The following SLC4A4 variants were observed in gnomAD, a reference collection of about 807,000 sequenced individuals.
The protein encoded by SLC4A4 is solute carrier family 4 member 4.
In SLC4A4, 27 loss-of-function variants were observed where a neutral mutation model predicts 111.5. That is an observed-to-expected ratio of 0.24 (90% CI 0.18 to 0.33). The LOEUF (loss-of-function observed/expected upper bound fraction) is 0.33. Ranked by LOEUF, SLC4A4 falls within the 10% of genes least tolerant of loss-of-function variation. The probability of loss-of-function intolerance (pLI) is 1.00; values close to 1 mark genes in which losing one functional copy is unlikely to be tolerated. For missense variants in SLC4A4, 909 were observed against 1,315.5 expected (o/e 0.69, Z 4.78); for synonymous variants, 443 against 463.4 (o/e 0.96, Z 0.57).
intron 16 of SLC4A4, among the ~76,000 whole-genome samples, chr4:71,498,042 G>A (rs761257927): frequency 6.6e-6 from 1 of 152,102 alleles, no homozygotes; most frequent in Non-Finnish European, 1.5e-5. Flanking sequence ...AACTCTTCAT[G>A]TTTATCAGGA....
At chr4:71,327,243 T>C (rs1204844739) in intron 3 of SLC4A4, among the ~76,000 whole-genome samples, 1 of 152,036 alleles carries the variant, frequency 6.6e-6, no homozygotes, top group Non-Finnish European at 1.5e-5. Context: ...TTCAACTAAT[T>C]TACTTTCTGA....
rs1741805670 is a variant in SLC4A4 at position 71,076,005 on chromosome 4, A to G, written c.-65+13217A>G. Among the ~76,000 whole-genome samples, 5 of 146,344 alleles carry G rather than the reference A, an allele frequency of 3.4e-5. No homozygotes were observed. In the South Asian group the frequency reaches 1.1e-3, roughly 32 times the overall value. The stretch of plus-strand genomic sequence containing the variant: ...AATAAATAAATAAATAAATAAATAA[A>G]TAGCAATCCCGTCAACCTGCCCCTG... On this transcript the variant is annotated intron_variant, in intron 1 of 26. Coordinates refer to the SLC4A4 transcript ENST00000649996.
At chr4:71,279,954 C>T (rs774678075) in intron 3 of SLC4A4, among the ~76,000 whole-genome samples, 18 of 152,194 alleles carry the variant, frequency 1.2e-4, no homozygotes, top group Non-Finnish European at 1.9e-4. Context: ...TGCCATCATG[C>T]CCGGCTAATT....
chr4:71,376,130 TAC>T (rs1390280524), intron 6 of SLC4A4, among the ~76,000 whole-genome samples: 3 of 144,456 alleles, frequency 2.1e-5, no homozygotes, highest in Non-Finnish European at 3.0e-5. Context: ...TATATATATA[TAC>T]ATACACATAT....
chr4:71,222,111 A>G (rs1260731085), intron 1 of SLC4A4, among the ~76,000 whole-genome samples: 1 of 152,216 alleles, frequency 6.6e-6, no homozygotes, highest in Admixed American at 6.5e-5. Context: ...AGTTGTTCAG[A>G]GTAAGCACTA....
At chr4:71,372,352 A>G (rs1257498001) in intron 6 of SLC4A4, among the ~76,000 whole-genome samples, 1 of 152,234 alleles carries the variant, frequency 6.6e-6, no homozygotes, top group Non-Finnish European at 1.5e-5. Context: ...CCTCTTACAG[A>G]TCTCACCGGC....
At chr4:71,115,999 A>AT (rs1378418541) in intron 2 of SLC4A4, among the ~76,000 whole-genome samples, 47 of 152,250 alleles carry the variant, frequency 3.1e-4, no homozygotes, top group Middle Eastern at 3.4e-3. Flanking sequence ...GGTTGAAGCG[A>AT]TTCTCCTGCC....
intron 2 of SLC4A4, among the ~76,000 whole-genome samples, chr4:71,101,096 A>G (rs1454248266): frequency 6.6e-6 from 1 of 152,062 alleles, no homozygotes; most frequent in Non-Finnish European, 1.5e-5. Context: ...CATCTCTACT[A>G]AAAGTACAAA....
chr4:71,338,336 A>C (rs973588149), intron 3 of SLC4A4, among the ~76,000 whole-genome samples: 1 of 152,066 alleles, frequency 6.6e-6, no homozygotes, highest in African/African-American at 2.4e-5. Context: ...TATTTCTACA[A>C]ATTTATATAT....
intron 12 of SLC4A4, among the ~76,000 whole-genome samples, chr4:71,460,066 T>C (rs1369821090): frequency 6.6e-6 from 1 of 152,064 alleles, no homozygotes; most frequent in Non-Finnish European, 1.5e-5. Flanking sequence ...TTCTCTTTGC[T>C]TGTGAGAAAT....
intron 2 of SLC4A4, among the ~76,000 whole-genome samples, chr4:71,123,314 A>G (rs1265691673): frequency 6.6e-6 from 1 of 152,212 alleles, no homozygotes; most frequent in Non-Finnish European, 1.5e-5. Context: ...ATTACATTGT[A>G]ATATGCTAGG....
chr4:71,180,136 C>T (rs1745240367), intron 2 of SLC4A4, among the ~76,000 whole-genome samples: 1 of 152,202 alleles, frequency 6.6e-6, no homozygotes, highest in African/African-American at 2.4e-5. Flanking sequence ...GCTGGGAAAA[C>T]TGGCTAGCCA....
intron 6 of SLC4A4, among the ~76,000 whole-genome samples, chr4:71,391,519 C>A (rs1193369794): frequency 6.6e-6 from 1 of 152,048 alleles, no homozygotes; most frequent in Non-Finnish European, 1.5e-5. Context: ...CAATGATTTT[C>A]AAACTTAGTA....
chr4:71,063,289 T>C (rs968904059), intron 1 of SLC4A4, among the ~76,000 whole-genome samples: 21 of 152,194 alleles, frequency 1.4e-4, no homozygotes, highest in Non-Finnish European at 1.5e-5. Context: ...TTCTATAAAG[T>C]GTTCTGAAAC....
At chr4:71,233,091 T>G (rs1719556629) in intron 1 of SLC4A4, among the ~76,000 whole-genome samples, 1 of 152,266 alleles carries the variant, frequency 6.6e-6, no homozygotes. Flanking sequence ...GATGGGTTCT[T>G]GTCTTTTGAA....
chr4:71,164,337 T>C (rs112218018), intron 2 of SLC4A4, among the ~76,000 whole-genome samples: 1,984 of 147,646 alleles, frequency 0.013, 42 homozygotes, highest in African/African-American at 0.048. Flanking sequence ...GCCGAGATCG[T>C]GCACTGCACT....
At chr4:71,291,305 T>C (rs1398735983) in intron 3 of SLC4A4, among the ~76,000 whole-genome samples, 1 of 152,214 alleles carries the variant, frequency 6.6e-6, no homozygotes, top group East Asian at 1.9e-4. Flanking sequence ...GTTGTGCACA[T>C]GTACCCTAAA....
intron 3 of SLC4A4, among the ~76,000 whole-genome samples, chr4:71,294,779 C>G (rs1204219279): frequency 6.6e-6 from 1 of 152,172 alleles, no homozygotes; most frequent in East Asian, 1.9e-4. Context: ...CTTGCTGCTT[C>G]AAAAGTAGTT....
intron 15 of SLC4A4, among the ~76,000 whole-genome samples, chr4:71,488,111 A>T (rs1010654997): frequency 6.7e-6 from 1 of 149,986 alleles, no homozygotes; most frequent in East Asian, 2.0e-4. Context: ...CAAAATTCTT[A>T]TAGTAAAAAT....
Sources: allele counts gnomAD v4.1 joint callset (sites outside exome capture counted in the v4.1 genomes callset), GRCh38; gene constraint gnomAD v4.1.1; transcripts MANE v1.5; gene names NCBI Gene and HGNC (gene_info 2026-07-23, HGNC 2026-07-21).